The following NRG1 variants were observed in gnomAD, a reference collection of about 807,000 sequenced individuals.
The protein encoded by NRG1 is pro-neuregulin-1, membrane-bound isoform.
NRG1 carries 18 observed loss-of-function variants against 63.8 expected under a neutral mutation model. The ratio of observed to expected loss-of-function variants is 0.28; its 90% CI spans 0.19 to 0.42. The LOEUF is 0.42. Among genes scored for constraint, NRG1 ranks in the 10% least tolerant of loss-of-function variants. The pLI, the probability that NRG1 is intolerant of heterozygous loss-of-function variation, is 1.00. For synonymous variants in NRG1, 302 were observed against 301.3 expected, an observed-to-expected ratio of 1.00 and a Z score of -0.02; for missense variants, 762 against 814.7, an observed-to-expected ratio of 0.94 and a Z score of 0.79.
At chr8:31,754,362 C>G (rs190713060) in intron 1 of NRG1, among the ~76,000 whole-genome samples, 262 of 152,178 alleles carry the variant, frequency 1.7e-3, no homozygotes, top group Non-Finnish European at 3.2e-3. Context: ...CTCCTGAGAT[C>G]TAGTCTTTAA....
At chr8:32,437,945 G>GTGTC (rs1818995271) in intron 1 of NRG1, among the ~76,000 whole-genome samples, 1 of 152,106 alleles carries the variant, frequency 6.6e-6, no homozygotes, top group African/African-American at 2.4e-5. Flanking sequence ...TTTTAAAACA[G>GTGTC]TGTCTTCTTT....
At chr8:31,822,178 T>C (rs1327530095) in intron 1 of NRG1, among the ~76,000 whole-genome samples, 1 of 152,118 alleles carries the variant, frequency 6.6e-6, no homozygotes, top group Non-Finnish European at 1.5e-5. Context: ...GTAATTGGAG[T>C]ATTGCCTCAA....
At chr8:32,427,061 G>A (rs1218670681) in intron 1 of NRG1, among the ~76,000 whole-genome samples, 4 of 151,706 alleles carry the variant, frequency 2.6e-5, no homozygotes, top group Non-Finnish European at 2.9e-5. Context: ...TAAACAGCCC[G>A]AGTAGCTGTT....
At chr8:32,392,457 A>G (rs1811896477) in intron 1 of NRG1, among the ~76,000 whole-genome samples, 1 of 152,252 alleles carries the variant, frequency 6.6e-6, no homozygotes, top group South Asian at 2.1e-4. Flanking sequence ...GCAAATCTAC[A>G]TGTTCCTCCC....
At chr8:32,289,847 T>C (rs1284570700) in intron 1 of NRG1, among the ~76,000 whole-genome samples, 2 of 152,238 alleles carry the variant, frequency 1.3e-5, no homozygotes, top group Non-Finnish European at 2.9e-5. Context: ...GTCAAAACGA[T>C]AAGTTTAAAT....
intron 1 of NRG1, among the ~76,000 whole-genome samples, chr8:32,141,283 A>G (rs988292335): frequency 6.6e-6 from 1 of 152,054 alleles, no homozygotes; most frequent in Non-Finnish European, 1.5e-5. Flanking sequence ...GTCATTGTAT[A>G]TAACAGAGGA....
chr8:32,760,437 G>A (rs1830487612), intron 11 of NRG1, 31 bp downstream of exon 11: 1 of 1,611,088 alleles, frequency 6.2e-7, no homozygotes, highest in Non-Finnish European at 8.5e-7. Context: ...TACTGCAGAG[G>A]AGAAACTCAG....
rs548874374 is a variant in NRG1, at chr8:31,956,408, G to A, written c.37+316977G>A. Among the ~76,000 whole-genome samples, 7 of 152,250 alleles carry A rather than the reference G, an allele frequency of 4.6e-5. No homozygotes were observed. The East Asian group carries it at 1.2e-3, about 25-fold the overall frequency. On this transcript the variant is annotated intron_variant, in intron 1 of 10. Coordinates refer to the NRG1 transcript ENST00000519301. ...TGAGGTGGGCAGATCACAAGGTCAG[G>A]AGATCGAGACCATCCCGGCTAACAT...
intron 1 of NRG1, among the ~76,000 whole-genome samples, chr8:32,018,909 A>C (rs1168266838): frequency 6.6e-6 from 1 of 152,154 alleles, no homozygotes; most frequent in Non-Finnish European, 1.5e-5. Context: ...CAGTATTTTT[A>C]ATTTTAGCCA....
chr8:32,085,204 CT>C (rs1431606952), intron 1 of NRG1, among the ~76,000 whole-genome samples: 1 of 152,158 alleles, frequency 6.6e-6, no homozygotes, highest in Non-Finnish European at 1.5e-5. Context: ...TCTTTTAACT[CT>C]TTCATTGTTT....
chr8:32,372,101 A>C (rs183972386), intron 1 of NRG1, among the ~76,000 whole-genome samples: 5 of 146,830 alleles, frequency 3.4e-5, no homozygotes, highest in Admixed American at 1.4e-4. Flanking sequence ...CAATCCTCCC[A>C]CCTCAGTCTC....
chr8:31,707,928 T>C (rs1811311902), intron 1 of NRG1, among the ~76,000 whole-genome samples: 1 of 152,364 alleles, frequency 6.6e-6, no homozygotes, highest in Admixed American at 6.5e-5. Flanking sequence ...CTAATCGCTT[T>C]GGATTGTACC....
chr8:32,235,601 TC>T (rs1847463482), intron 1 of NRG1, among the ~76,000 whole-genome samples: 2 of 152,202 alleles, frequency 1.3e-5, no homozygotes, highest in African/African-American at 4.8e-5. Flanking sequence ...AATGAGATTT[TC>T]AGATGACTTT....
At chr8:31,798,810 A>G (rs1821483121) in intron 1 of NRG1, among the ~76,000 whole-genome samples, 1 of 152,176 alleles carries the variant, frequency 6.6e-6, no homozygotes, top group East Asian at 1.9e-4. Context: ...CTCTGACATC[A>G]GAATCACTGC....
chr8:32,426,743 C>G (rs1817424848), intron 1 of NRG1, among the ~76,000 whole-genome samples: 1 of 152,176 alleles, frequency 6.6e-6, no homozygotes, highest in African/African-American at 2.4e-5. Flanking sequence ...CTCTTTCAAC[C>G]ACCTATCAGG....
chr8:31,777,380 A>G lies in NRG1; in HGVS notation c.37+137949A>G, dbSNP rs530817061. On this transcript the variant is annotated intron_variant, in intron 1 of 10. Coordinates refer to the NRG1 transcript ENST00000519301. ...ATAGCTGTTGTTGGACCCAATGTAGAGATGAGGAAACACTGAGGACCAGAG... is the reference window on the plus strand; with the variant it reads ...ATAGCTGTTGTTGGACCCAATGTAGGGATGAGGAAACACTGAGGACCAGAG... 2.0e-5 allele frequency among the ~76,000 whole-genome samples: 3 copies of G among 152,348 alleles called. No individual in the cohort carries two copies. In the East Asian group the frequency reaches 5.8e-4, roughly 29 times the overall value.
intron 1 of NRG1, among the ~76,000 whole-genome samples, chr8:32,527,158 G>T (rs192809626): frequency 1.8e-4 from 28 of 152,202 alleles, no homozygotes; most frequent in South Asian, 8.3e-4. Context: ...CAAAGGAAAA[G>T]AAATCATTAT....
At chr8:32,016,292 A>T (rs1330792122) in intron 1 of NRG1, among the ~76,000 whole-genome samples, 2 of 151,970 alleles carry the variant, frequency 1.3e-5, no homozygotes, top group African/African-American at 2.4e-5. Context: ...CGAATTCCTC[A>T]CCTCAAGCAA....
intron 1 of NRG1, among the ~76,000 whole-genome samples, chr8:31,886,278 T>C (rs1830711541): frequency 6.6e-6 from 1 of 152,048 alleles, no homozygotes; most frequent in Non-Finnish European, 1.5e-5. Flanking sequence ...GTGTGGAAAA[T>C]GTAGAAATGT....
Sources: allele counts gnomAD v4.1 joint callset (sites outside exome capture counted in the v4.1 genomes callset), GRCh38; gene constraint gnomAD v4.1.1; transcripts MANE v1.5; gene names NCBI Gene and HGNC (gene_info 2026-07-23, HGNC 2026-07-21).